The following CYP4F11 variants were observed in gnomAD, a reference collection of about 807,000 sequenced individuals.
CYP4F11 encodes cytochrome P450 family 4 subfamily F member 11, also known as cytochrome P450 4F11.
A neutral mutation model predicts 62.2 loss-of-function variants in CYP4F11; 79 were observed. The observed-to-expected ratio is 1.27, with a 90% CI of 1.06 to 1.53. The LOEUF (loss-of-function observed/expected upper bound fraction) is 1.53, where lower values mean the gene tolerates loss of function less well. Ranked by LOEUF, CYP4F11 falls within the 40% of genes most tolerant of loss-of-function variation. The pLI is 0.00. For synonymous variants in CYP4F11, 290 were observed against 263.7 expected (o/e 1.10, Z -0.97); for missense variants, 777 against 680.5 (o/e 1.14, Z -1.58).
At chr19:15,929,367 G>T (rs2089693324) in intron 2 of CYP4F11, 90 bp downstream of exon 2, 2 of 1,536,996 alleles carry the variant, frequency 1.3e-6, no homozygotes, top group Non-Finnish European at 1.8e-6. Context: ...CCTGGGCCCT[G>T]CAGGGGCCAC....
Position 15,934,201 on chromosome 19 carries a change from A to G in CYP4F11, c.198+10T>C, listed in dbSNP as rs1315323696. 6.2e-7 allele frequency: 1 copy of G among 1,613,108 alleles called. No individual in the cohort carries two copies. On this transcript the variant is annotated intron_variant, in intron 1 of 11. Transcript: ENST00000402119. ...CTGAGACCCCAGACCCGTCCTGCTG[A>G]CAAACTCACCAGGCCCTGGTGTCCC...
In CYP4F11 at chr19:15,923,012, T is replaced by C. The variant is rs186050211; in HGVS notation, c.919-582A>G. Among the ~76,000 whole-genome samples the C allele has an allele frequency of 7.2e-5, 11 of 152,064 alleles. No individual in the cohort carries two copies. The East Asian group carries it at 1.9e-3, about 27-fold the overall frequency. The stretch of plus-strand genomic sequence containing the variant: ...GTTGCAGTGAGCCAAGATCACACCA[T>C]TGCACTCCAGCCTAGGCAACAAGAG... On this transcript the variant is annotated intron_variant, in intron 6 of 11. Coordinates refer to ENST00000402119, the MANE Select transcript of CYP4F11 (RefSeq NM_021187.4).
At chr19:15,929,154 G>A (rs747514836) in intron 2 of CYP4F11, among the ~76,000 whole-genome samples, 1 of 152,220 alleles carries the variant, frequency 6.6e-6, no homozygotes, top group Admixed American at 6.5e-5. Context: ...CGAAGTTTGA[G>A]ATGTCTCTGT....
chr19:15,932,489 G>A (rs372880449), intron 1 of CYP4F11, among the ~76,000 whole-genome samples: 2 of 8,740 alleles, frequency 2.3e-4, no homozygotes, highest in African/African-American at 8.6e-4. Flanking sequence ...AGTGAGGAGA[G>A]GAATGAGTGA....
chr19:15,914,589 A>T lies in CYP4F11; in HGVS notation c.1314+13T>A. 6.2e-7 allele frequency: 1 copy of T among 1,614,056 alleles called. No homozygotes were observed. Among genetic ancestry groups the T allele is most frequent in the Non-Finnish European group, 8.5e-7 (1 of 1,179,910 alleles). ...AATGGACTCCAAAAAGGGTGGGGTG[A>T]GGGAGGCACTACCTCAGGGTCTGGC... On this transcript the variant is annotated intron_variant, in intron 10 of 11. Coordinates refer to ENST00000402119, the MANE Select transcript of CYP4F11 (RefSeq NM_021187.4).
At chr19:15,924,273 G>A (rs1436204099) in intron 5 of CYP4F11, among the ~76,000 whole-genome samples, 191 bp from the exon 6 acceptor site, 1 of 152,128 alleles carries the variant, frequency 6.6e-6, no homozygotes, top group African/African-American at 2.4e-5. Context: ...CCAGAGCATA[G>A]CTTGGACACC....
chr19:15,930,056 G>GCTCT (rs10645958), intron 1 of CYP4F11, among the ~76,000 whole-genome samples: 2,003 of 149,752 alleles, frequency 0.013, 45 homozygotes, highest in African/African-American at 0.041. Flanking sequence ...TCTCTCTCAC[G>GCTCT]CTCTCTCTCT....
At chr19:15,920,900 CTCTT>C (rs1458740921) in intron 8 of CYP4F11, among the ~76,000 whole-genome samples, 4 of 151,978 alleles carry the variant, frequency 2.6e-5, no homozygotes, top group Admixed American at 6.6e-5. Context: ...TCTTCCCTCT[CTCTT>C]TCTTTCTCTC....
chr19:15,933,981 C>CGGGGAGAGGAATGAGTGAGT (rs1568258914), intron 1 of CYP4F11, among the ~76,000 whole-genome samples: 1 of 106,036 alleles, frequency 9.4e-6, no homozygotes, highest in African/African-American at 3.7e-5. Flanking sequence ...AATGAGTGAG[C>CGGGGAGAGGAATGAGTGAGT]GGGGAGAGGA....
chr19:15,925,729 T>TACACACACACACAC (rs61395286), intron 4 of CYP4F11, among the ~76,000 whole-genome samples: 1,839 of 142,888 alleles, frequency 0.013, 34 homozygotes, highest in African/African-American at 0.037. Context: ...TACATATATG[T>TACACACACACACAC]ACACACACAC....
intron 8 of CYP4F11, among the ~76,000 whole-genome samples, chr19:15,920,185 T>C (rs1333244895): frequency 6.6e-6 from 1 of 152,140 alleles, no homozygotes; most frequent in Non-Finnish European, 1.5e-5. Flanking sequence ...CATAAATATA[T>C]ATAATCAAAA....
At chr19:15,914,440 G>C in intron 10 of CYP4F11, 53 bp from the exon 11 acceptor site, 1 of 1,585,154 alleles carries the variant, frequency 6.3e-7, no homozygotes, top group Admixed American at 1.7e-5. Flanking sequence ...GTTGGGTGGG[G>C]TCTCCCAGTT....
At chr19:15,917,471 G>A (rs2089591872) in intron 8 of CYP4F11, among the ~76,000 whole-genome samples, 1 of 152,052 alleles carries the variant, frequency 6.6e-6, no homozygotes. Flanking sequence ...AATGTAGCAT[G>A]GCAAAGCTGC....
Position 15,914,390 on chromosome 19 carries a change from G to A in CYP4F11, c.1315-3C>T, listed in dbSNP as rs745465751. ...TCGAAACGGAAGGGGTCGTAGACCT[G>A]CAGGTGAGACCAAGAAGGCTTGCTG... On this transcript the variant is annotated splice_polypyrimidine_tract_variant and splice_region_variant and intron_variant, in intron 10 of 11. Coordinates refer to ENST00000402119, the MANE Select transcript of CYP4F11 (RefSeq NM_021187.4). 1 of 1,613,392 alleles carries A rather than the reference G, an allele frequency of 6.2e-7. No homozygotes were observed. Among genetic ancestry groups the A allele is most frequent in the Non-Finnish European group, 8.5e-7 (1 of 1,179,552 alleles).
Position 15,924,859 on chromosome 19 carries a change from T to A in CYP4F11, c.549A>T (p.Ser183=), listed in dbSNP as rs372143400. 3.2e-5 allele frequency: 52 copies of A among 1,611,732 alleles called. No individual in the cohort carries two copies. The highest frequency in any genetic ancestry group is 4.4e-5 in the Non-Finnish European group (52 of 1,178,626). ...ACATGTCCAGTCTGGCGCTGCCCTC[T>A]GAGGCCAGGCGCTGCCACTTGTCCT... ...IMHDKWQRLA[S]EGSARLDMFE... Residue 183 remains serine (S), a synonymous_variant, in exon 5 of 12, where the codon TCA becomes TCT. Coordinates refer to ENST00000402119, the MANE Select transcript of CYP4F11 (RefSeq NM_021187.4).
intron 10 of CYP4F11, 36 bp from the exon 11 acceptor site, chr19:15,914,423 T>C: frequency 6.3e-7 from 1 of 1,597,754 alleles, no homozygotes; most frequent in Non-Finnish European, 8.6e-7. Flanking sequence ...CTGGGTGGGG[T>C]CACCCAGTTG....
chr19:15,927,286 A>G lies in CYP4F11; in HGVS notation c.451T>C (p.Leu151=), dbSNP rs919083381. 3 of 1,613,666 alleles carry G rather than the reference A, an allele frequency of 1.9e-6. No individual in the cohort carries two copies. The highest frequency in any genetic ancestry group is 1.3e-5 in the African/African-American group (1 of 74,584). The change falls in exon 4 of 12, where the codon TTG becomes CTG. Residue 151 remains leucine, a synonymous_variant. Coordinates refer to ENST00000402119, the MANE Select transcript of CYP4F11 (RefSeq NM_021187.4). ...ATGTTGAAATGGAAGGCAGGCGTCA[A>G]CATCCGACGGTGGCGGCTCCACTTG... The part of the protein sequence containing the change: ...GDKWSRHRRM[L]TPAFHFNILK...
intron 11 of CYP4F11, 78 bp from the exon 12 acceptor site, chr19:15,913,987 G>T: frequency 6.6e-7 from 1 of 1,507,006 alleles, no homozygotes; most frequent in Non-Finnish European, 8.9e-7. Context: ...CCTGGCCTGG[G>T]ACCCCAAACG....
At chr19:15,919,502 A>AGAT (rs1196729565) in intron 8 of CYP4F11, among the ~76,000 whole-genome samples, 5 of 149,940 alleles carry the variant, frequency 3.3e-5, no homozygotes, top group Admixed American at 2.0e-4. Context: ...ATAGATAGAT[A>AGAT]GATAGATAGA....
Sources: gnomAD v4.1 joint callset for allele counts (sites outside exome capture counted in the v4.1 genomes callset) on GRCh38, gnomAD v4.1.1 for gene constraint, MANE v1.5 for transcripts, NCBI Gene and HGNC (gene_info 2026-07-23, HGNC 2026-07-21) for gene names.